The following CLSTN2 variants were observed in gnomAD, a reference collection of about 807,000 sequenced individuals.
CLSTN2 encodes calsyntenin 2.
A neutral mutation model predicts 101.2 loss-of-function variants in CLSTN2; 48 were observed. The observed-to-expected ratio is 0.47, with a 90% CI of 0.38 to 0.60. The LOEUF (loss-of-function observed/expected upper bound fraction) is 0.60. Ranked by LOEUF, CLSTN2 falls within the 20% of genes least tolerant of loss-of-function variation. The pLI is 0.00. For synonymous variants in CLSTN2, 481 were observed against 463.6 expected, an observed-to-expected ratio of 1.04 and a Z score of -0.48; for missense variants, 1,160 against 1,238.2, an observed-to-expected ratio of 0.94 and a Z score of 0.95.
intron 8 of CLSTN2, among the ~76,000 whole-genome samples, chr3:140,509,324 A>G (rs1203926398): frequency 1.3e-5 from 2 of 152,106 alleles, no homozygotes; most frequent in African/African-American, 4.8e-5. Context: ...CACCAAAACC[A>G]CCTGGAGGGC....
chr3:140,102,692 A>G (rs1036956508), intron 1 of CLSTN2, among the ~76,000 whole-genome samples: 5 of 152,232 alleles, frequency 3.3e-5, no homozygotes, highest in Non-Finnish European at 4.4e-5. Context: ...GCTGGGGAAC[A>G]GAAATCTCAG....
At chr3:140,432,552 G>A (rs745760830) in intron 5 of CLSTN2, among the ~76,000 whole-genome samples, 16 of 152,162 alleles carry the variant, frequency 1.1e-4, no homozygotes, top group East Asian at 3.9e-4. Flanking sequence ...GGAGGGCCTC[G>A]TGGGGGCACT....
At chr3:140,226,193 T>G (rs944152919) in intron 2 of CLSTN2, among the ~76,000 whole-genome samples, 1 of 152,150 alleles carries the variant, frequency 6.6e-6, no homozygotes, top group Non-Finnish European at 1.5e-5. Context: ...GGAGAACATT[T>G]AGTGGTGCCA....
intron 1 of CLSTN2, among the ~76,000 whole-genome samples, chr3:139,940,159 T>C (rs1935100436): frequency 6.6e-6 from 1 of 152,194 alleles, no homozygotes; most frequent in Admixed American, 6.5e-5. Flanking sequence ...GAGCCTTGCC[T>C]CAAGATATGA....
intron 2 of CLSTN2, among the ~76,000 whole-genome samples, chr3:140,325,419 A>G (rs966871927): frequency 6.6e-6 from 1 of 152,194 alleles, no homozygotes; most frequent in African/African-American, 2.4e-5. Flanking sequence ...CTCACCATGG[A>G]TAGGTTGCTC....
At chr3:140,398,156 A>G (rs2088203674) in intron 2 of CLSTN2, among the ~76,000 whole-genome samples, 1 of 152,168 alleles carries the variant, frequency 6.6e-6, no homozygotes, top group African/African-American at 2.4e-5. Context: ...CATTTTATGA[A>G]AAAAGGTCCT....
intron 1 of CLSTN2, among the ~76,000 whole-genome samples, chr3:139,990,110 G>A (rs1319157045): frequency 6.6e-6 from 1 of 152,190 alleles, no homozygotes; most frequent in Non-Finnish European, 1.5e-5. Context: ...TTTTGGTAAT[G>A]ATTGTGCTGT....
chr3:140,169,772 T>A (rs1046154209), intron 1 of CLSTN2, among the ~76,000 whole-genome samples: 3 of 152,174 alleles, frequency 2.0e-5, no homozygotes, highest in African/African-American at 7.2e-5. Context: ...ATTGAAGGGA[T>A]GAAGCTGGGT....
intron 8 of CLSTN2, among the ~76,000 whole-genome samples, chr3:140,494,515 A>G (rs1267194034): frequency 1.3e-5 from 2 of 152,208 alleles, no homozygotes; most frequent in Non-Finnish European, 2.9e-5. Flanking sequence ...CTTGTTACAT[A>G]GGTAAATGTG....
intron 2 of CLSTN2, among the ~76,000 whole-genome samples, chr3:140,205,882 A>G (rs2107843874): frequency 6.6e-6 from 1 of 152,208 alleles, no homozygotes; most frequent in Middle Eastern, 3.4e-3. Flanking sequence ...CCTGGCTGCT[A>G]CACAGGGTGG....
chr3:140,220,542 A>T (rs1475194605), intron 2 of CLSTN2, among the ~76,000 whole-genome samples: 2 of 152,218 alleles, frequency 1.3e-5, no homozygotes, highest in African/African-American at 4.8e-5. Flanking sequence ...CACATCCACC[A>T]TGTCTGTTAT....
intron 1 of CLSTN2, among the ~76,000 whole-genome samples, chr3:140,162,830 G>A (rs1398319294): frequency 2.6e-5 from 4 of 152,308 alleles, no homozygotes; most frequent in South Asian, 2.1e-4. Flanking sequence ...GTCATCCATC[G>A]TTCTGGACAT....
chr3:140,216,420 A>C (rs1445243732), intron 2 of CLSTN2, among the ~76,000 whole-genome samples: 1 of 152,180 alleles, frequency 6.6e-6, no homozygotes, highest in African/African-American at 2.4e-5. Context: ...CGCTGGCCTC[A>C]TTCCACTGTC....
chr3:140,494,574 C>T (rs1328508683), intron 8 of CLSTN2, among the ~76,000 whole-genome samples: 5 of 152,314 alleles, frequency 3.3e-5, no homozygotes, highest in East Asian at 3.9e-4. Flanking sequence ...AGGTATTAAG[C>T]CCAGCATCCA....
chr3:140,239,207 A>T (rs1432302792), intron 2 of CLSTN2, among the ~76,000 whole-genome samples: 1 of 151,896 alleles, frequency 6.6e-6, no homozygotes, highest in African/African-American at 2.4e-5. Flanking sequence ...AAATGAGTTA[A>T]CTCCACAATT....
intron 2 of CLSTN2, among the ~76,000 whole-genome samples, chr3:140,256,522 G>T (rs1164609278): frequency 6.6e-6 from 1 of 152,190 alleles, no homozygotes; most frequent in Non-Finnish European, 1.5e-5. Context: ...CCATTGCTAT[G>T]CCTGGCACAG....
chr3:140,304,203 C>T (rs149608737), intron 2 of CLSTN2, among the ~76,000 whole-genome samples: 31 of 152,296 alleles, frequency 2.0e-4, no homozygotes, highest in African/African-American at 7.0e-4. Context: ...AAAACTCCTT[C>T]ATATTTCTTT....
chr3:140,343,680 A>G (rs982278127), intron 2 of CLSTN2, among the ~76,000 whole-genome samples: 2 of 152,212 alleles, frequency 1.3e-5, no homozygotes, highest in African/African-American at 4.8e-5. Context: ...CAGACAAAAT[A>G]TTATTATAAT....
At chr3:140,217,886 G>A (rs1266998725) in intron 2 of CLSTN2, among the ~76,000 whole-genome samples, 1 of 152,200 alleles carries the variant, frequency 6.6e-6, no homozygotes, top group East Asian at 1.9e-4. Flanking sequence ...AAAGAAGGAA[G>A]AAACCAAACC....
Sources: allele counts gnomAD v4.1 joint callset (sites outside exome capture counted in the v4.1 genomes callset), GRCh38; gene constraint gnomAD v4.1.1; transcripts MANE v1.5; gene names NCBI Gene and HGNC (gene_info 2026-07-23, HGNC 2026-07-21).